MOB3B: variants seen among roughly 807,000 people sequenced by gnomAD.
MOB3B encodes MOB kinase activator 3B.
MOB3B carries 7 observed loss-of-function variants against 18.7 expected under a neutral mutation model. The ratio of observed to expected loss-of-function variants is 0.37; its 90% confidence interval spans 0.21 to 0.70. The LOEUF is 0.70. Ranked by LOEUF, MOB3B falls within the 30% of genes least tolerant of loss-of-function variation. The pLI is 0.52. For synonymous variants in MOB3B, 111 were observed against 99.9 expected (o/e 1.11, Z -0.66); for missense variants, 253 against 281.3 (o/e 0.90, Z 0.72).
chr9:27,456,642 T>C (rs1481057929), intron 1 of MOB3B, among the ~76,000 whole-genome samples: 5 of 152,224 alleles, frequency 3.3e-5, no homozygotes, highest in Non-Finnish European at 7.3e-5. Flanking sequence ...ACTATGACAG[T>C]ATTTGTCACC....
intron 1 of MOB3B, among the ~76,000 whole-genome samples, chr9:27,491,426 C>T (rs1819817417): frequency 6.6e-6 from 1 of 152,078 alleles, no homozygotes; most frequent in Non-Finnish European, 1.5e-5. Context: ...TGTACTGTTA[C>T]AGCATTTTGG....
At chr9:27,481,497 G>GTT (rs749380961) in intron 1 of MOB3B, among the ~76,000 whole-genome samples, 5,829 of 88,984 alleles carry the variant, frequency 0.066, 178 homozygotes, top group South Asian at 0.18. Context: ...AAGGAAGGTA[G>GTT]TTTTTTTTTT....
chr9:27,528,040 G>C (rs1820463154), intron 1 of MOB3B, among the ~76,000 whole-genome samples: 1 of 152,192 alleles, frequency 6.6e-6, no homozygotes, highest in African/African-American at 2.4e-5. Flanking sequence ...TGCGTCGTCT[G>C]AGTCCTCTTT....
intron 1 of MOB3B, among the ~76,000 whole-genome samples, chr9:27,521,181 C>T (rs886208981): frequency 4.6e-5 from 7 of 152,210 alleles, no homozygotes; most frequent in Non-Finnish European, 8.8e-5. Flanking sequence ...CAACTTATTC[C>T]TCCTTCTTCA....
chr9:27,331,014 A>G (rs368918954), intron 3 of MOB3B, among the ~76,000 whole-genome samples: 2 of 152,176 alleles, frequency 1.3e-5, no homozygotes, highest in African/African-American at 4.8e-5. Flanking sequence ...TTATGAACTG[A>G]TACAGTAATT....
At chr9:27,411,436 G>C (rs1452698935) in intron 2 of MOB3B, among the ~76,000 whole-genome samples, 1 of 152,238 alleles carries the variant, frequency 6.6e-6, no homozygotes, top group African/African-American at 2.4e-5. Context: ...TCAGAGGCCA[G>C]AGTGAGGCCA....
At chr9:27,414,060 C>T (rs927740629) in intron 2 of MOB3B, among the ~76,000 whole-genome samples, 1 of 152,236 alleles carries the variant, frequency 6.6e-6, no homozygotes, top group African/African-American at 2.4e-5. Flanking sequence ...GGAACATCTC[C>T]ATATCATGCC....
At position 27,416,544 on chromosome 9, in the gene MOB3B, A is replaced by ATTTTTTTT. The variant is rs559806304; in HGVS notation, c.418+38581_418+38588dup. ...GAACCCCTGGAGTAATTTCTTTTTA[A>ATTTTTTTT]TTTTTTTTTTTTTTTTTTTTTTTTT... is the stretch of plus-strand genomic sequence containing the variant. On this transcript the variant is annotated intron_variant, in intron 2 of 3. Coordinates refer to ENST00000262244, the MANE Select transcript of MOB3B (RefSeq NM_024761.5). Among the ~76,000 whole-genome samples the ATTTTTTTT allele has an allele frequency of 3.5e-4, 43 of 121,418 alleles. 6 individuals carry two copies. The highest frequency in any genetic ancestry group is 1.0e-3 in the East Asian group (3 of 2,902). 79.7% of individuals were successfully genotyped at this position (121,418 alleles called of 152,430 possible). A position where few individuals can be genotyped will look rare whatever the true frequency, so the allele number is the denominator to read the frequency against.
At chr9:27,455,002 T>A in intron 2 of MOB3B, 131 bp downstream of exon 2, 2 of 951,674 alleles carry the variant, frequency 2.1e-6, no homozygotes, top group Non-Finnish European at 3.2e-6. Context: ...CTCTTATATA[T>A]CACTCACTAC....
intron 1 of MOB3B, among the ~76,000 whole-genome samples, chr9:27,515,969 A>G (rs774354): frequency 0.29 from 44,379 of 152,190 alleles, 6,617 homozygotes; most frequent in Middle Eastern, 0.36. Flanking sequence ...AAGTGTAACA[A>G]GTAGTGTGCT....
intron 2 of MOB3B, among the ~76,000 whole-genome samples, chr9:27,392,465 C>T (rs1332982970): frequency 2.6e-5 from 4 of 152,088 alleles, no homozygotes; most frequent in African/African-American, 9.7e-5. Flanking sequence ...AGGGGATCAA[C>T]ATAAAGTCGC....
At chr9:27,391,866 A>G (rs1053399423) in intron 2 of MOB3B, 1 of 152,238 alleles carries the variant, frequency 6.6e-6, no homozygotes, top group African/African-American at 2.4e-5. Flanking sequence ...TGCTTAAAGC[A>G]AATAAGATGA....
rs556738196 is a variant in MOB3B at position 27,413,431 on chromosome 9, G to A, written c.418+41702C>T. Among the ~76,000 whole-genome samples, 9 of 152,244 alleles carry A rather than the reference G, an allele frequency of 5.9e-5. No individual in the cohort carries two copies. In the South Asian group the frequency reaches 1.5e-3, roughly 25 times the overall value. ...ATCAAAGAACAAAGGGAGGACCACT[G>A]CACTGAATAAGTTCTTTAAAGGGAT... On this transcript the variant is annotated intron_variant, in intron 2 of 3. Coordinates refer to ENST00000262244, the MANE Select transcript of MOB3B (RefSeq NM_024761.5).
At chr9:27,443,194 G>A (rs932864290) in intron 2 of MOB3B, among the ~76,000 whole-genome samples, 23 of 152,136 alleles carry the variant, frequency 1.5e-4, no homozygotes, top group African/African-American at 4.8e-4. Context: ...ACTGCCCTGC[G>A]TGACACAACT....
intron 2 of MOB3B, among the ~76,000 whole-genome samples, chr9:27,448,513 A>C (rs926639126): frequency 1.3e-5 from 2 of 152,160 alleles, no homozygotes; most frequent in African/African-American, 4.8e-5. Flanking sequence ...CCCCTTGTAA[A>C]ACCATCAGAT....
intron 2 of MOB3B, among the ~76,000 whole-genome samples, chr9:27,381,155 T>C (rs1821572032): frequency 6.6e-6 from 1 of 152,054 alleles, no homozygotes; most frequent in African/African-American, 2.4e-5. Context: ...AGGAATCCTG[T>C]TTTCCTCTTA....
At chr9:27,347,656 C>T (rs1451281470) in intron 3 of MOB3B, among the ~76,000 whole-genome samples, 2 of 152,216 alleles carry the variant, frequency 1.3e-5, no homozygotes, top group Non-Finnish European at 2.9e-5. Flanking sequence ...TATAAGCTTA[C>T]TGACTTACCC....
At chr9:27,378,604 G>A in intron 2 of MOB3B, 1 of 471,078 alleles carries the variant, frequency 2.1e-6, no homozygotes, top group Non-Finnish European at 4.4e-6. Flanking sequence ...TCTTCCCCCT[G>A]TATCTCACTC....
At chr9:27,517,897 C>T (rs1362603914) in intron 1 of MOB3B, among the ~76,000 whole-genome samples, 4 of 151,890 alleles carry the variant, frequency 2.6e-5, no homozygotes, top group Non-Finnish European at 4.4e-5. Context: ...CTCAGGAAAC[C>T]CATTCCAAGC....
Sources: gnomAD v4.1 joint callset for allele counts (sites outside exome capture counted in the v4.1 genomes callset) on GRCh38, gnomAD v4.1.1 for gene constraint, MANE v1.5 for transcripts, NCBI Gene and HGNC (gene_info 2026-07-23, HGNC 2026-07-21) for gene names.